Variants in NRG3 observed in about 807,000 individuals in gnomAD.
The protein encoded by NRG3 is pro-neuregulin-3, membrane-bound isoform.
In NRG3, 31 loss-of-function variants were observed where a neutral mutation model predicts 66.9. The observed-to-expected ratio is 0.46, with a 90% confidence interval of 0.35 to 0.63. The LOEUF is 0.63. Among genes scored for constraint, NRG3 ranks in the 20% least tolerant of loss-of-function variants. NRG3 has a pLI of 0.00. For missense variants in NRG3, 910 were observed against 878.9 expected (o/e 1.04, Z -0.45); for synonymous variants, 393 against 359.4 (o/e 1.09, Z -1.06).
chr10:82,518,816 T>A (rs1845932415), intron 2 of NRG3, among the ~76,000 whole-genome samples: 1 of 152,056 alleles, frequency 6.6e-6, no homozygotes, highest in South Asian at 2.1e-4. Context: ...GTTCAAAAAA[T>A]CCCATTGTGA....
At chr10:82,371,994 G>T (rs2084925174) in intron 2 of NRG3, among the ~76,000 whole-genome samples, 1 of 152,182 alleles carries the variant, frequency 6.6e-6, no homozygotes. Context: ...CAACATGAGA[G>T]TATGTGGGGA....
chr10:82,646,675 A>G (rs962094308), intron 2 of NRG3, among the ~76,000 whole-genome samples: 5 of 152,166 alleles, frequency 3.3e-5, no homozygotes, highest in Non-Finnish European at 5.9e-5. Context: ...ACTGAGCTCA[A>G]CTTTGCCAGA....
chr10:82,669,647 T>C (rs1051179599), intron 2 of NRG3, among the ~76,000 whole-genome samples: 2 of 152,032 alleles, frequency 1.3e-5, no homozygotes, highest in African/African-American at 4.8e-5. Flanking sequence ...AGCCGCAACA[T>C]GCCGGGCGCG....
chr10:82,354,930 G>A (rs1047099816), intron 1 of NRG3, among the ~76,000 whole-genome samples: 3 of 152,106 alleles, frequency 2.0e-5, no homozygotes, highest in Non-Finnish European at 2.9e-5. Flanking sequence ...TGGTATTCAC[G>A]GGAACATAAG....
At chr10:82,550,918 G>A (rs997467517) in intron 2 of NRG3, among the ~76,000 whole-genome samples, 2 of 152,044 alleles carry the variant, frequency 1.3e-5, no homozygotes, top group Non-Finnish European at 2.9e-5. Flanking sequence ...GGACTTATTA[G>A]CATTCGGGTA....
Position 82,083,613 on chromosome 10 carries a change from T to C in NRG3, c.823+207450T>C, listed in dbSNP as rs535779923. Among the ~76,000 whole-genome samples the C allele has an allele frequency of 2.3e-3, 347 of 148,756 alleles. 1 individual carries two copies. Among genetic ancestry groups the C allele is most frequent in the African/African-American group, 8.5e-3 (334 of 39,370 alleles). ...TTTGTTAATTTTTTTTTTTTTTTTT[T>C]TGAGACAGAGTTTCGCTCTTGTCCA... On this transcript the variant is annotated intron_variant, in intron 1 of 8. Coordinates refer to ENST00000372141, the MANE Select transcript of NRG3 (RefSeq NM_001010848.4).
intron 1 of NRG3, among the ~76,000 whole-genome samples, chr10:82,156,901 T>A (rs559854918): frequency 6.6e-6 from 1 of 151,716 alleles, no homozygotes; most frequent in Non-Finnish European, 1.5e-5. Flanking sequence ...TAAAACTTCA[T>A]AGGAGTTCAT....
intron 1 of NRG3, chr10:81,889,457 A>G (rs931514393): frequency 6.6e-6 from 1 of 152,176 alleles, no homozygotes; most frequent in Non-Finnish European, 1.5e-5. Flanking sequence ...GTTCATTTAC[A>G]TATCGGCAGC....
chr10:82,656,505 G>T (rs1054079112), intron 2 of NRG3, among the ~76,000 whole-genome samples: 1 of 151,906 alleles, frequency 6.6e-6, no homozygotes, highest in Non-Finnish European at 1.5e-5. Context: ...ACTTTATAGG[G>T]TCATTTTCTT....
intron 1 of NRG3, among the ~76,000 whole-genome samples, chr10:81,937,665 T>G (rs1848007428): frequency 2.0e-5 from 3 of 152,126 alleles, no homozygotes; most frequent in African/African-American, 7.2e-5. Flanking sequence ...TTATTAGATA[T>G]ATGATTTGCA....
chr10:82,142,513 T>G (rs2069872622), intron 1 of NRG3, among the ~76,000 whole-genome samples: 1 of 152,100 alleles, frequency 6.6e-6, no homozygotes, highest in Admixed American at 6.6e-5. Context: ...TCCTTTTCAC[T>G]TATCAGTTTA....
chr10:81,900,096 G>A (rs566774261), intron 1 of NRG3, among the ~76,000 whole-genome samples: 5 of 151,904 alleles, frequency 3.3e-5, no homozygotes, highest in Admixed American at 2.6e-4. Flanking sequence ...GCAGGCGCCT[G>A]CCACCATGCC....
At chr10:82,753,603 A>G (rs369098675) in intron 3 of NRG3, among the ~76,000 whole-genome samples, 3 of 128,888 alleles carry the variant, frequency 2.3e-5, no homozygotes, top group East Asian at 4.3e-4. Context: ...TTATTCTTTT[A>G]TTAGAATAAT....
intron 6 of NRG3, among the ~76,000 whole-genome samples, chr10:82,970,899 G>C (rs978927525): frequency 1.3e-4 from 20 of 152,082 alleles, no homozygotes; most frequent in African/African-American, 4.1e-4. Context: ...TGTTTGCCTT[G>C]TTATAAAGCA....
At chr10:82,417,190 C>T (rs897771863) in intron 2 of NRG3, among the ~76,000 whole-genome samples, 3 of 152,076 alleles carry the variant, frequency 2.0e-5, no homozygotes, top group Non-Finnish European at 4.4e-5. Flanking sequence ...ATTAAAGTAA[C>T]AACTTTTTCT....
At chr10:82,742,443 C>T (rs1443058262) in intron 3 of NRG3, among the ~76,000 whole-genome samples, 1 of 151,988 alleles carries the variant, frequency 6.6e-6, no homozygotes, top group Non-Finnish European at 1.5e-5. Flanking sequence ...ACATATTTAC[C>T]TATGAGGATC....
At chr10:82,650,461 C>T (rs1265433768) in intron 2 of NRG3, among the ~76,000 whole-genome samples, 1 of 152,184 alleles carries the variant, frequency 6.6e-6, no homozygotes, top group African/African-American at 2.4e-5. Context: ...GTTGTTTGAC[C>T]TCTGCTATAT....
intron 1 of NRG3, among the ~76,000 whole-genome samples, chr10:82,356,355 T>C (rs1281830971): frequency 6.6e-6 from 1 of 152,220 alleles, no homozygotes; most frequent in Non-Finnish European, 1.5e-5. Flanking sequence ...AAATGGATAA[T>C]AAGAAATTAA....
At chr10:82,518,498 T>TC (rs1337714124) in intron 2 of NRG3, among the ~76,000 whole-genome samples, 1 of 151,902 alleles carries the variant, frequency 6.6e-6, no homozygotes, top group Non-Finnish European at 1.5e-5. Context: ...AAGTGTCTGC[T>TC]CCCCCCTACA....
Sources: gnomAD v4.1 joint callset for allele counts (sites outside exome capture counted in the v4.1 genomes callset) on GRCh38, gnomAD v4.1.1 for gene constraint, MANE v1.5 for transcripts, NCBI Gene and HGNC (gene_info 2026-07-23, HGNC 2026-07-21) for gene names.